Variants in MSH3 observed in about 807,000 individuals in gnomAD.
MSH3 encodes mutS homolog 3.
A neutral mutation model predicts 123.3 loss-of-function variants in MSH3; 106 were observed. That is an observed-to-expected ratio of 0.86 (90% CI 0.73 to 1.01). The LOEUF is 1.01. Ranked by LOEUF, MSH3 falls within the 50% of genes least tolerant of loss-of-function variation. The probability of loss-of-function intolerance (pLI) is 0.00; values close to 1 mark genes in which losing one functional copy is unlikely to be tolerated. For synonymous variants in MSH3, 515 were observed against 481.4 expected (o/e 1.07, Z -0.91); for missense variants, 1,459 against 1,347.6 (o/e 1.08, Z -1.29).
At chr5:80,767,816 C>A in intron 13 of MSH3, 117 bp from the exon 14 acceptor site, 1 of 722,172 alleles carries the variant, frequency 1.4e-6, no homozygotes, top group Non-Finnish European at 2.4e-6. Context: ...TTTCAACTAA[C>A]TAGTTAATAG....
Position 80,775,736 on chromosome 5 carries a change from A to G in MSH3, c.2296A>G (p.Thr766Ala), listed in dbSNP as rs1744286598. ...IKNSAVSCIP[T>A]DWVKVGSTKA... is the part of the protein sequence containing the mutation. ...GAACTCTGCTGTATCTTGTATACCA[A>G]CTGATTGGGTAAAGGTTGGAAGGTA... The change falls in exon 16 of 24, where the codon ACT becomes GCT. Residue 766 changes from threonine to alanine, a missense_variant. Coordinates refer to ENST00000265081, the MANE Select transcript of MSH3 (RefSeq NM_002439.5). 1 of 1,589,658 alleles carries G rather than the reference A, an allele frequency of 6.3e-7. No homozygotes were observed. Among genetic ancestry groups the G allele is most frequent in the Non-Finnish European group, 8.6e-7 (1 of 1,158,066 alleles).
chr5:80,659,388 A>G (rs1749376090), intron 2 of MSH3, among the ~76,000 whole-genome samples: 1 of 152,196 alleles, frequency 6.6e-6, no homozygotes. Context: ...GTGCCCATTA[A>G]CAGCCACCTC....
At chr5:80,760,030 A>G (rs984456665) in intron 12 of MSH3, among the ~76,000 whole-genome samples, 2 of 152,176 alleles carry the variant, frequency 1.3e-5, no homozygotes, top group African/African-American at 4.8e-5. Context: ...AGACAAAAGC[A>G]CTCACTAAAT....
chr5:80,867,054 C>T (rs889116985), intron 22 of MSH3, among the ~76,000 whole-genome samples: 2 of 152,198 alleles, frequency 1.3e-5, no homozygotes, highest in Admixed American at 6.5e-5. Flanking sequence ...GCTGTCTGGG[C>T]CTGCGGCACA....
intron 19 of MSH3, among the ~76,000 whole-genome samples, chr5:80,804,928 G>A (rs754664622): frequency 1.3e-5 from 2 of 152,200 alleles, no homozygotes; most frequent in Admixed American, 1.3e-4. Flanking sequence ...TTAATGATAT[G>A]TATATGATTA....
intron 7 of MSH3, among the ~76,000 whole-genome samples, chr5:80,675,975 A>G (rs1749830195): frequency 6.6e-6 from 1 of 152,220 alleles, no homozygotes. Context: ...CTAAATTAAT[A>G]TTAGGATTAT....
chr5:80,665,904 T>G (rs1285011166), intron 3 of MSH3, among the ~76,000 whole-genome samples: 1 of 152,192 alleles, frequency 6.6e-6, no homozygotes, highest in Non-Finnish European at 1.5e-5. Context: ...AAATCTGTAA[T>G]TCAGAATAGT....
chr5:80,854,018 C>CA, intron 20 of MSH3, 112 bp from the exon 21 acceptor site: 1 of 919,410 alleles, frequency 1.1e-6, no homozygotes, highest in Non-Finnish European at 1.7e-6. Context: ...ATTATTGGCT[C>CA]AAAATATATA....
intron 21 of MSH3, among the ~76,000 whole-genome samples, chr5:80,860,495 C>G (rs960125948): frequency 2.5e-4 from 30 of 120,392 alleles, no homozygotes; most frequent in Admixed American, 1.5e-3. Context: ...CCACTCTTTT[C>G]TTGCTTTTGT....
rs3797893 is a variant in MSH3, at chr5:80,769,609, A to T, written c.2253+606A>T. Among the ~76,000 whole-genome samples the T allele has an allele frequency of 1.1e-3, 163 of 152,180 alleles. No individual in the cohort carries two copies. The East Asian group carries it at 0.028, about 26-fold the overall frequency. The stretch of plus-strand genomic sequence containing the variant: ...CCTTTTAAATATGGTTGTGCTTTTC[A>T]GTCCTATTCTGGGTCTTGAGGCATG... On this transcript the variant is annotated intron_variant, in intron 15 of 23. Transcript: ENST00000265081.
chr5:80,667,458 C>A (rs1191034615), intron 3 of MSH3, among the ~76,000 whole-genome samples: 1 of 152,162 alleles, frequency 6.6e-6, no homozygotes, highest in Non-Finnish European at 1.5e-5. Flanking sequence ...GTGCCTTTGC[C>A]CGAGTTTTTA....
chr5:80,871,348 C>T (rs1443081153), intron 22 of MSH3, among the ~76,000 whole-genome samples: 1 of 152,188 alleles, frequency 6.6e-6, no homozygotes, highest in Non-Finnish European at 1.5e-5. Context: ...GAACAACAAA[C>T]ATTTATTACC....
intron 20 of MSH3, among the ~76,000 whole-genome samples, chr5:80,853,446 G>T (rs1015434673): frequency 6.6e-6 from 1 of 151,560 alleles, no homozygotes; most frequent in Non-Finnish European, 1.5e-5. Context: ...CTGCACTCCA[G>T]CCTGGGCAAT....
chr5:80,660,426 A>C (rs999474381), intron 2 of MSH3, among the ~76,000 whole-genome samples: 1 of 152,138 alleles, frequency 6.6e-6, no homozygotes, highest in African/African-American at 2.4e-5. Flanking sequence ...GTTACCTCTC[A>C]CTGGGTCCCT....
chr5:80,670,527 T>C (rs930275353), intron 4 of MSH3, among the ~76,000 whole-genome samples: 2 of 152,170 alleles, frequency 1.3e-5, no homozygotes, highest in Admixed American at 1.3e-4. Context: ...ATTGGAATGT[T>C]AGCGCTTATT....
chr5:80,734,000 A>G (rs1227459607), intron 10 of MSH3, among the ~76,000 whole-genome samples: 4 of 152,208 alleles, frequency 2.6e-5, no homozygotes, highest in Non-Finnish European at 4.4e-5. Flanking sequence ...AACTTATACA[A>G]ATGTTCATAA....
At chr5:80,848,613 G>T (rs1265133501) in intron 20 of MSH3, among the ~76,000 whole-genome samples, 2 of 152,188 alleles carry the variant, frequency 1.3e-5, no homozygotes, top group Non-Finnish European at 2.9e-5. Flanking sequence ...ATGGCAGCAG[G>T]TAAAGATATT....
chr5:80,847,651 T>G (rs907401512), intron 20 of MSH3, among the ~76,000 whole-genome samples: 30 of 152,316 alleles, frequency 2.0e-4, no homozygotes, highest in African/African-American at 7.2e-4. Flanking sequence ...TATAAAATTT[T>G]CAGCAGAATG....
intron 19 of MSH3, among the ~76,000 whole-genome samples, chr5:80,796,348 G>C (rs1288243069): frequency 6.6e-6 from 1 of 151,422 alleles, no homozygotes; most frequent in Non-Finnish European, 1.5e-5. Flanking sequence ...TCTTTACAAA[G>C]TAAATGGAGT....
Sources: gnomAD v4.1 joint callset for allele counts (sites outside exome capture counted in the v4.1 genomes callset) on GRCh38, gnomAD v4.1.1 for gene constraint, MANE v1.5 for transcripts, NCBI Gene and HGNC (gene_info 2026-07-23, HGNC 2026-07-21) for gene names.